Variants in SMCHD1 observed in about 807,000 individuals in gnomAD.
SMCHD1 encodes the protein structural maintenance of chromosomes flexible hinge domain containing 1.
In SMCHD1, 78 loss-of-function variants were observed where a neutral mutation model predicts 254.7. The observed-to-expected ratio is 0.31, with a 90% CI of 0.26 to 0.37. The LOEUF (loss-of-function observed/expected upper bound fraction) is 0.37, where lower values mean the gene tolerates loss of function less well. Among genes scored for constraint, SMCHD1 ranks in the 10% least tolerant of loss-of-function variants. The probability of loss-of-function intolerance (pLI) is 1.00; values close to 1 mark genes in which losing one functional copy is unlikely to be tolerated. For missense variants in SMCHD1, 1,840 were observed against 2,408.1 expected, an observed-to-expected ratio of 0.76 and a Z score of 4.94; for synonymous variants, 766 against 794.9, an observed-to-expected ratio of 0.96 and a Z score of 0.61.
At chr18:2,741,772 T>C (rs947397260) in intron 28 of SMCHD1, among the ~76,000 whole-genome samples, 2 of 152,162 alleles carry the variant, frequency 1.3e-5, no homozygotes, top group African/African-American at 4.8e-5. Flanking sequence ...GCGCACAGGC[T>C]CCTAATTGCT....
At chr18:2,760,986 CTT>C (rs2075773557) in intron 35 of SMCHD1, among the ~76,000 whole-genome samples, 2 of 152,082 alleles carry the variant, frequency 1.3e-5, no homozygotes, top group Admixed American at 6.5e-5. Context: ...TTCCATTTCT[CTT>C]TATATCAAAG....
Position 2,796,030 on chromosome 18 carries a change from G to A in SMCHD1, c.5801G>A (p.Arg1934His), listed in dbSNP as rs779941077. 2.6e-5 allele frequency: 42 copies of A among 1,592,336 alleles called. No individual in the cohort carries two copies. Among genetic ancestry groups the A allele is most frequent in the African/African-American group, 2.5e-4 (19 of 74,742 alleles). The change falls in exon 46 of 48, where the codon CGC (arginine) becomes CAC (histidine). Residue 1934 changes from arginine (R) to histidine (H), a missense_variant. Transcript: ENST00000320876. The stretch of plus-strand genomic sequence containing the variant: ...CTTAACAGTCAATTAGAGTACCTTC[G>A]CACTCCGGATATGAGGAAGAAAAAG... ...KDLNSQLEYL[R>H]TPDMRKKKQE...
intron 1 of SMCHD1, among the ~76,000 whole-genome samples, chr18:2,658,340 A>G (rs138749210): frequency 6.6e-6 from 1 of 152,378 alleles, no homozygotes; most frequent in African/African-American, 2.4e-5. Context: ...GTATAAACAC[A>G]GTCGTGGAAA....
intron 3 of SMCHD1, among the ~76,000 whole-genome samples, chr18:2,668,351 G>A (rs1033683505): frequency 2.6e-5 from 4 of 152,126 alleles, no homozygotes; most frequent in South Asian, 4.1e-4. Flanking sequence ...ACTTATGAGC[G>A]TTGTCTCATT....
chr18:2,741,220 A>G (rs564881851), intron 28 of SMCHD1, among the ~76,000 whole-genome samples: 1 of 152,210 alleles, frequency 6.6e-6, no homozygotes, highest in Non-Finnish European at 1.5e-5. Flanking sequence ...AAGGTTTGCA[A>G]CTGTGCACTT....
intron 34 of SMCHD1, among the ~76,000 whole-genome samples, chr18:2,756,945 C>A (rs1204997701): frequency 6.6e-6 from 1 of 152,042 alleles, no homozygotes; most frequent in Non-Finnish European, 1.5e-5. Flanking sequence ...TAAGAGATTT[C>A]AATTTTTTAG....
intron 10 of SMCHD1, 141 bp from the exon 11 acceptor site, chr18:2,700,398 T>G: frequency 1.1e-6 from 1 of 885,040 alleles, no homozygotes; most frequent in South Asian, 1.9e-5. Flanking sequence ...AACCACTTTG[T>G]AAACCTACCT....
chr18:2,707,404 G>A (rs774327277), intron 15 of SMCHD1, 159 bp from the exon 16 acceptor site: 19 of 419,524 alleles, frequency 4.5e-5, no homozygotes, highest in East Asian at 7.5e-5. Flanking sequence ...TGGTTAGGGA[G>A]GAAAAAAATT....
rs759832052 is a variant in SMCHD1, at chr18:2,743,844, T to A, written c.3717T>A (p.Arg1239=). ...PGNKDLCFTW[R]EFSDFIRVQL... ...ATAAGGATCTTTGTTTTACTTGGCG[T>A]GAGTTTTCTGACTTTATTCGAGTGC... Residue 1239 remains arginine, a synonymous_variant, in exon 29 of 48, where the codon CGT becomes CGA. Coordinates refer to ENST00000320876, the MANE Select transcript of SMCHD1 (RefSeq NM_015295.3). 1 of 1,613,338 alleles carries A rather than the reference T, an allele frequency of 6.2e-7. No individual in the cohort carries two copies. The highest frequency in any genetic ancestry group is 8.5e-7 in the Non-Finnish European group (1 of 1,179,564).
At chr18:2,699,591 C>G (rs912766457) in intron 10 of SMCHD1, among the ~76,000 whole-genome samples, 1 of 152,222 alleles carries the variant, frequency 6.6e-6, no homozygotes, top group Non-Finnish European at 1.5e-5. Context: ...CCTCCCACCT[C>G]AGCTTCCCAA....
intron 44 of SMCHD1, among the ~76,000 whole-genome samples, chr18:2,780,334 T>C (rs566251553): frequency 2.0e-4 from 30 of 151,088 alleles, no homozygotes; most frequent in Non-Finnish European, 2.9e-4. Flanking sequence ...ATATAGCTAA[T>C]TGGAAAATGG....
chr18:2,726,538 A>G lies in SMCHD1; in HGVS notation c.2773+14A>G. ...GATTACTACCTGGTAATATTATTTC[A>G]AGAAATATAATTATTTAAAATAATT... On this transcript the variant is annotated intron_variant, in intron 22 of 47. Coordinates refer to ENST00000320876, the MANE Select transcript of SMCHD1 (RefSeq NM_015295.3). 1.7e-6 allele frequency: 2 copies of G among 1,156,296 alleles called. No individual in the cohort carries two copies. The highest frequency in any genetic ancestry group is 2.4e-6 in the Non-Finnish European group (2 of 821,586). The allele number at this position is 1,156,296 out of a possible 1,614,324, so 71.6% of individuals were successfully genotyped here.
At chr18:2,758,238 C>A (rs189188377) in intron 34 of SMCHD1, among the ~76,000 whole-genome samples, 1 of 151,870 alleles carries the variant, frequency 6.6e-6, no homozygotes, top group East Asian at 1.9e-4. Context: ...TTCCTGTTTT[C>A]CTTTTTGATT....
chr18:2,738,562 T>C lies in SMCHD1; in HGVS notation c.3425+17T>C, dbSNP rs760394131. 1.9e-6 allele frequency: 3 copies of C among 1,591,856 alleles called. No individual in the cohort carries two copies. In the African/African-American group the frequency reaches 4.1e-5, roughly 22 times the overall value. ...TACAGTAAGGTTTGTGGACTCATTA[T>C]ATTTTGCAGCCTATGGCAACAAAAT... On this transcript the variant is annotated intron_variant, in intron 26 of 47. Coordinates refer to ENST00000320876, the MANE Select transcript of SMCHD1 (RefSeq NM_015295.3).
intron 37 of SMCHD1, 22 bp downstream of exon 37, chr18:2,763,811 G>T (rs2075825257): frequency 6.3e-7 from 1 of 1,598,732 alleles, no homozygotes; most frequent in Admixed American, 1.8e-5. Flanking sequence ...ATATCTTTTG[G>T]TAGATAGAAT....
At position 2,740,944 on chromosome 18, in the gene SMCHD1, A is replaced by G; in HGVS notation, c.3633+123A>G. ...TTAGTTTTTAAATTGAAAAGTCATA[A>G]AAGGCATTTTAAAAACTTGAAAAAG... On this transcript the variant is annotated intron_variant, in intron 28 of 47. Transcript: ENST00000320876. The G allele has an allele frequency of 5.2e-6, 3 of 575,796 alleles. No individual in the cohort carries two copies. In the South Asian group the frequency reaches 8.0e-5, roughly 15 times the overall value. The allele number at this position is 575,796 out of a possible 1,614,324, so 35.7% of individuals were successfully genotyped here.
intron 37 of SMCHD1, among the ~76,000 whole-genome samples, chr18:2,765,006 A>T (rs1016469576): frequency 2.0e-5 from 3 of 152,190 alleles, no homozygotes; most frequent in Non-Finnish European, 2.9e-5. Flanking sequence ...TATTAGCAAC[A>T]CTATATGTGT....
chr18:2,677,342 T>C (rs936520961), intron 5 of SMCHD1, among the ~76,000 whole-genome samples: 1 of 152,224 alleles, frequency 6.6e-6, no homozygotes, highest in African/African-American at 2.4e-5. Context: ...TCCGTATTAA[T>C]TTCTAGGGTT....
At chr18:2,724,753 G>T in intron 20 of SMCHD1, 146 bp from the exon 21 acceptor site, 1 of 424,920 alleles carries the variant, frequency 2.4e-6, no homozygotes, top group Non-Finnish European at 4.2e-6. Context: ...AAATCCATTG[G>T]AATTTTTTTC....
Sources: allele counts gnomAD v4.1 joint callset (sites outside exome capture counted in the v4.1 genomes callset), GRCh38; gene constraint gnomAD v4.1.1; transcripts MANE v1.5; gene names NCBI Gene and HGNC (gene_info 2026-07-23, HGNC 2026-07-21).